WASHC4: variants seen among roughly 807,000 people sequenced by gnomAD.
WASHC4 encodes the protein WASH complex subunit 7.
In WASHC4, 86 loss-of-function variants were observed where a neutral mutation model predicts 166.6. That is an observed-to-expected ratio of 0.52 (90% confidence interval 0.43 to 0.62). The LOEUF is 0.62. Among genes scored for constraint, WASHC4 ranks in the 20% least tolerant of loss-of-function variants. The pLI is 0.00. For missense variants in WASHC4, 1,262 were observed against 1,382.4 expected, an observed-to-expected ratio of 0.91 and a Z score of 1.38; for synonymous variants, 446 against 451.6, an observed-to-expected ratio of 0.99 and a Z score of 0.16.
In WASHC4 at chr12:105,122,153, T is replaced by A; in HGVS notation, c.701T>A (p.Phe234Tyr). 1 of 1,608,750 alleles carries A rather than the reference T, an allele frequency of 6.2e-7. No individual in the cohort carries two copies. Among genetic ancestry groups the A allele is most frequent in the South Asian group, 1.1e-5 (1 of 90,956 alleles). ...LKSVHHNPSK[F>Y]GIQEEKLKPF... ...TCTGTCCATCACAATCCTTCAAAATTTGGAATTCAGGAAGAAAAATTAAAG... is the reference window on the plus strand; with the variant it reads ...TCTGTCCATCACAATCCTTCAAAATATGGAATTCAGGAAGAAAAATTAAAG... The change falls in exon 10 of 33, where the codon TTT becomes TAT. Residue 234 changes from phenylalanine (F) to tyrosine (Y), a missense_variant. Transcript: ENST00000332180.
At chr12:105,157,447 G>GAAGTATAATTT in intron 28 of WASHC4, 125 bp downstream of exon 28, 1 of 614,770 alleles carries the variant, frequency 1.6e-6, no homozygotes, top group South Asian at 1.8e-5. Context: ...CTCAGTTTAT[G>GAAGTATAATTT]AAGTATAATT....
At chr12:105,154,143 G>A (rs1261333251) in intron 26 of WASHC4, among the ~76,000 whole-genome samples, 1 of 151,034 alleles carries the variant, frequency 6.6e-6, no homozygotes, top group African/African-American at 2.4e-5. Context: ...CGATTCTCCC[G>A]CCTCAGCCTC....
chr12:105,126,801 T>G (rs1881326456), intron 12 of WASHC4, among the ~76,000 whole-genome samples: 1 of 151,956 alleles, frequency 6.6e-6, no homozygotes, highest in African/African-American at 2.4e-5. Context: ...TTAAAAAACT[T>G]ATGTACTTAA....
At chr12:105,164,495 C>T (rs556430097) in intron 31 of WASHC4, 146 bp from the exon 32 acceptor site, 69 of 802,834 alleles carry the variant, frequency 8.6e-5, no homozygotes, top group Non-Finnish European at 1.2e-4. Context: ...TAAAAATGGG[C>T]GGGTTACTTA....
intron 7 of WASHC4, among the ~76,000 whole-genome samples, 180 bp downstream of exon 7, chr12:105,118,708 G>A (rs1430408208): frequency 6.6e-6 from 1 of 152,190 alleles, no homozygotes; most frequent in African/African-American, 2.4e-5. Flanking sequence ...CCACCATGGT[G>A]AGCGAACCCA....
At chr12:105,116,731 T>C (rs183570575) in intron 6 of WASHC4, among the ~76,000 whole-genome samples, 124 of 152,264 alleles carry the variant, frequency 8.1e-4, no homozygotes, top group African/African-American at 2.9e-3. Context: ...ATATACACAA[T>C]AAAATGTATT....
At chr12:105,160,643 C>G (rs890177636) in intron 29 of WASHC4, among the ~76,000 whole-genome samples, 2 of 152,138 alleles carry the variant, frequency 1.3e-5, no homozygotes, top group African/African-American at 4.8e-5. Context: ...TGAGCCACCA[C>G]GTATGGCCTA....
chr12:105,162,914 GC>G lies in WASHC4; in HGVS notation c.3157+70del. On this transcript the variant is annotated intron_variant, in intron 30 of 32. Coordinates refer to ENST00000332180, the MANE Select transcript of WASHC4 (RefSeq NM_015275.3). ...TTGTAATGGATTCTTAGAAACATCT[GC>G]TTGAGAATAGGTCTATATGTTCTTT... is the stretch of plus-strand genomic sequence containing the variant. 5 of 789,330 alleles carry G rather than the reference GC, an allele frequency of 6.3e-6. 1 individual carries two copies. In the South Asian group the frequency reaches 7.5e-5, roughly 12 times the overall value. The allele number at this position is 789,330 out of a possible 1,614,324, so 48.9% of individuals were successfully genotyped here.
At chr12:105,109,068 G>A (rs764348559) in intron 1 of WASHC4, among the ~76,000 whole-genome samples, 88 of 152,272 alleles carry the variant, frequency 5.8e-4, no homozygotes, top group Non-Finnish European at 1.1e-3. Flanking sequence ...CCCGGCAGGC[G>A]GAGGTTGCAG....
chr12:105,137,070 CT>C (rs1272096557), intron 14 of WASHC4, among the ~76,000 whole-genome samples: 2 of 152,170 alleles, frequency 1.3e-5, no homozygotes, highest in Non-Finnish European at 2.9e-5. Context: ...GTACATGTGT[CT>C]CTTTTGGGAA....
Position 105,107,819 on chromosome 12 carries a change from T to C in WASHC4, c.19T>C (p.Ser7Pro). 1.9e-6 allele frequency: 3 copies of C among 1,550,994 alleles called. No individual in the cohort carries two copies. The highest frequency in any genetic ancestry group is 1.2e-5 in the South Asian group (1 of 84,018). The change falls in exon 1 of 33, where the codon TCC becomes CCC. Residue 7 changes from serine to proline, a missense_variant. Physicochemically the swap from Ser to Pro is moderately conservative, Grantham distance 74. Transcript: ENST00000332180. ...CGGGGTGATGGCGGTGGAGACTCTG[T>C]CCCCGGACTGGGAGTTTGACCGCGT... MAVETL[S>P]PDWEFDRVDD... is the part of the protein sequence containing the mutation.
rs1369003167 is a variant in WASHC4, at chr12:105,127,358, T to G, written c.1199+69T>G. 8.4e-6 allele frequency: 9 copies of G among 1,066,450 alleles called. No homozygotes were observed. The Admixed American group carries it at 1.6e-4, about 18-fold the overall frequency. The allele number at this position is 1,066,450 out of a possible 1,614,324, so 66.1% of individuals were successfully genotyped here. On this transcript the variant is annotated intron_variant, in intron 13 of 32. Coordinates refer to ENST00000332180, the MANE Select transcript of WASHC4 (RefSeq NM_015275.3). Reference sequence around the variant, plus strand: ...TTATTTTCAAAGATTATACTAACACTTAATGTATAGTACCATTTGAATTAT... The same window carrying G: ...TTATTTTCAAAGATTATACTAACACGTAATGTATAGTACCATTTGAATTAT...
At chr12:105,111,576 T>G (rs1350637446) in intron 2 of WASHC4, among the ~76,000 whole-genome samples, 2 of 152,202 alleles carry the variant, frequency 1.3e-5, no homozygotes, top group Non-Finnish European at 2.9e-5. Flanking sequence ...GGCTTTGTTT[T>G]TTCTTGATTG....
chr12:105,141,491 A>G (rs1592891254), intron 18 of WASHC4, among the ~76,000 whole-genome samples: 1 of 152,240 alleles, frequency 6.6e-6, no homozygotes, highest in East Asian at 1.9e-4. Flanking sequence ...ACCTCAGAGC[A>G]TCTGGCCGAC....
chr12:105,154,155 T>G (rs566664755), intron 26 of WASHC4, among the ~76,000 whole-genome samples: 2 of 151,936 alleles, frequency 1.3e-5, no homozygotes, highest in African/African-American at 2.4e-5. Context: ...CTCAGCCTCC[T>G]TAGTATATGG....
chr12:105,144,502 T>C, intron 21 of WASHC4, 47 bp downstream of exon 21: 1 of 1,540,460 alleles, frequency 6.5e-7, no homozygotes, highest in Non-Finnish European at 8.9e-7. Flanking sequence ...CTTTTTTTTT[T>C]TTTTTTACCC....
intron 1 of WASHC4, among the ~76,000 whole-genome samples, chr12:105,110,241 G>A (rs1879538123): frequency 6.6e-6 from 1 of 152,178 alleles, no homozygotes; most frequent in African/African-American, 2.4e-5. Flanking sequence ...GCATGAGTCA[G>A]AACACACTTT....
chr12:105,154,990 G>A (rs1356527272), intron 26 of WASHC4: 1 of 152,188 alleles, frequency 6.6e-6, no homozygotes, highest in African/African-American at 2.4e-5. Flanking sequence ...ATAAGATAAT[G>A]TATGTAAAAT....
intron 28 of WASHC4, 23 bp from the exon 29 acceptor site, chr12:105,159,978 C>G: frequency 6.2e-7 from 1 of 1,611,368 alleles, no homozygotes; most frequent in East Asian, 2.2e-5. Context: ...GAGAAAGGAA[C>G]CAAATAATTT....
Sources: gnomAD v4.1 joint callset for allele counts (sites outside exome capture counted in the v4.1 genomes callset) on GRCh38, gnomAD v4.1.1 for gene constraint, MANE v1.5 for transcripts, NCBI Gene and HGNC (gene_info 2026-07-23, HGNC 2026-07-21) for gene names.